Variants in TBCE observed in about 807,000 individuals in gnomAD.
The protein encoded by TBCE is tubulin-specific chaperone E.
In TBCE, 53 loss-of-function variants were observed where a neutral mutation model predicts 77.0. The observed-to-expected ratio is 0.69, with a 90% CI of 0.55 to 0.87. The LOEUF (loss-of-function observed/expected upper bound fraction) is 0.87, where lower values mean the gene tolerates loss of function less well. Ranked by LOEUF, TBCE falls within the 40% of genes least tolerant of loss-of-function variation. The pLI, the probability that TBCE is intolerant of heterozygous loss-of-function variation, is 0.00. For missense variants in TBCE, 624 were observed against 622.4 expected, an observed-to-expected ratio of 1.00 and a Z score of -0.03; for synonymous variants, 235 against 241.3, an observed-to-expected ratio of 0.97 and a Z score of 0.24.
Position 235,383,693 on chromosome 1 carries a change from T to A in TBCE, c.100+3544T>A, listed in dbSNP as rs1572332261. 2.0e-5 allele frequency among the ~76,000 whole-genome samples: 3 copies of A among 152,230 alleles called. No individual in the cohort carries two copies. The East Asian group carries it at 5.8e-4, about 29-fold the overall frequency. ...TAACCTGAGACTTTGCTGAAGTTGC[T>A]TATCAGCTTAAGGAGATTTTGGGCT... On this transcript the variant is annotated intron_variant, in intron 2 of 16. Coordinates refer to ENST00000642610, the MANE Select transcript of TBCE (RefSeq NM_003193.5).
At chr1:235,378,729 C>T (rs930265007) in intron 1 of TBCE, among the ~76,000 whole-genome samples, 3 of 151,982 alleles carry the variant, frequency 2.0e-5, no homozygotes, top group South Asian at 2.1e-4. Context: ...TGCGTGGTGG[C>T]GTGTGCCTGT....
chr1:235,431,993 A>G (rs565358458), intron 7 of TBCE, among the ~76,000 whole-genome samples: 2 of 146,700 alleles, frequency 1.4e-5, no homozygotes, highest in African/African-American at 5.1e-5. Context: ...TTATTTATTT[A>G]TTTTTCTTGA....
At chr1:235,436,361 T>C in intron 9 of TBCE, 25 bp from the exon 10 acceptor site, 3 of 1,606,198 alleles carry the variant, frequency 1.9e-6, no homozygotes, top group African/African-American at 2.7e-5. Flanking sequence ...TTCTGTGTAA[T>C]CAAATTGTAC....
At chr1:235,375,137 G>T (rs1214769995) in intron 1 of TBCE, among the ~76,000 whole-genome samples, 1 of 151,260 alleles carries the variant, frequency 6.6e-6, no homozygotes, top group Non-Finnish European at 1.5e-5. Context: ...AGCCAGGATG[G>T]TCTCAATCTC....
At chr1:235,398,294 C>T (rs745878093) in intron 2 of TBCE, among the ~76,000 whole-genome samples, 2 of 151,638 alleles carry the variant, frequency 1.3e-5, no homozygotes, top group Non-Finnish European at 2.9e-5. Flanking sequence ...TACAGGCACC[C>T]GCCACCACGC....
In TBCE at chr1:235,449,353, CAT is replaced by C. The variant is rs990057038; in HGVS notation, c.*594_*595del. 2.7e-4 allele frequency: 42 copies of C among 154,546 alleles called. No homozygotes were observed. Among genetic ancestry groups the C allele is most frequent in the Admixed American group, 7.0e-4 (11 of 15,722 alleles). 9.6% of individuals were successfully genotyped at this position (154,546 alleles called of 1,614,324 possible). ...TAACCAGCTTTGATTGAAATGTACT[CAT>C]ATTAGGTAAACATTAGGCAATGATA... On this transcript the variant is annotated 3_prime_UTR_variant, in exon 17 of 17. Transcript: ENST00000642610.
At chr1:235,428,469 G>A (rs952998295) in intron 6 of TBCE, among the ~76,000 whole-genome samples, 23 of 151,890 alleles carry the variant, frequency 1.5e-4, no homozygotes, top group African/African-American at 5.3e-4. Context: ...AACTCCTCAT[G>A]TGTCTGTGTC....
Position 235,437,448 on chromosome 1 carries a change from C to T in TBCE, c.1090C>T (p.Gln364Ter), listed in dbSNP as rs1681536460. 1.2e-6 allele frequency: 2 copies of T among 1,613,978 alleles called. No individual in the cohort carries two copies. Among genetic ancestry groups the T allele is most frequent in the Non-Finnish European group, 1.7e-6 (2 of 1,180,014 alleles). ...ACTACTCATTATCGCCAGCATTGGC[C>T]AGCTGAAGACGCTGAACAAATGTGA... Reference protein sequence around the residue: ...ARLLIIASIGQLKTLNKCEIL... With the variant: ...ARLLIIASIG The change falls in exon 12 of 17, where the codon CAG (glutamine) becomes TAG (stop). Residue 364 changes from glutamine (Q) to a stop codon, truncating the protein, a stop_gained. Coordinates refer to ENST00000642610, the MANE Select transcript of TBCE (RefSeq NM_003193.5). LOFTEE classifies it high-confidence loss of function.
chr1:235,379,748 A>C (rs1440363301), intron 1 of TBCE, among the ~76,000 whole-genome samples: 1 of 151,972 alleles, frequency 6.6e-6, no homozygotes, highest in Non-Finnish European at 1.5e-5. Context: ...CAGGAGTTGG[A>C]GACCAGCCTG....
Position 235,435,813 on chromosome 1 carries a change from A to C in TBCE, c.806A>C (p.Gln269Pro). 6.2e-7 allele frequency: 1 copy of C among 1,614,202 alleles called. No individual in the cohort carries two copies. The highest frequency in any genetic ancestry group is 8.5e-7 in the Non-Finnish European group (1 of 1,180,020). Residue 269 changes from glutamine (Q) to proline (P), a missense_variant, in exon 9 of 17, where the codon CAG becomes CCG. Coordinates refer to ENST00000642610, the MANE Select transcript of TBCE (RefSeq NM_003193.5). Reference sequence around the variant, plus strand: ...TCTAATCAATTAATTGATGAAAATCAGCTGTATCTGATAGCCCACCTGCCC... The same window carrying C: ...TCTAATCAATTAATTGATGAAAATCCGCTGTATCTGATAGCCCACCTGCCC... The part of the protein sequence containing the change: ...LSSNQLIDEN[Q>P]LYLIAHLPRL...
At chr1:235,403,494 G>A (rs184003982) in intron 3 of TBCE, among the ~76,000 whole-genome samples, 2 of 152,250 alleles carry the variant, frequency 1.3e-5, no homozygotes, top group East Asian at 3.9e-4. Flanking sequence ...ACAGGTGTGA[G>A]CCACCACCCC....
At chr1:235,415,140 T>TATTG (rs1558373437) in intron 4 of TBCE, 7 of 185,882 alleles carry the variant, frequency 3.8e-5, no homozygotes, top group African/African-American at 1.7e-4. Flanking sequence ...CTAATGCATT[T>TATTG]TATTGTATTG....
intron 5 of TBCE, among the ~76,000 whole-genome samples, chr1:235,425,857 G>C (rs1680680962): frequency 6.6e-6 from 1 of 152,216 alleles, no homozygotes; most frequent in East Asian, 1.9e-4. Context: ...CTGCTCAGAT[G>C]CCCTCTTAGA....
At chr1:235,438,490 G>T (rs1211613244) in intron 12 of TBCE, among the ~76,000 whole-genome samples, 4 of 151,260 alleles carry the variant, frequency 2.6e-5, no homozygotes, top group African/African-American at 9.8e-5. Flanking sequence ...GGAGGTTGCA[G>T]TGAGCTGAGA....
chr1:235,410,854 C>T (rs973509324), intron 3 of TBCE, among the ~76,000 whole-genome samples: 3 of 152,104 alleles, frequency 2.0e-5, no homozygotes, highest in South Asian at 2.1e-4. Context: ...GAGCTCAGTT[C>T]GAAAGCGTTG....
chr1:235,416,238 T>C (rs1486723920), intron 4 of TBCE: 1 of 151,258 alleles, frequency 6.6e-6, no homozygotes, highest in East Asian at 1.9e-4. Flanking sequence ...ACCCTACTGA[T>C]TTACTTGGAT....
Position 235,380,023 on chromosome 1 carries a change from C to T in TBCE, c.-27C>T, listed in dbSNP as rs1434539995. 1.9e-6 allele frequency: 3 copies of T among 1,565,830 alleles called. No homozygotes were observed. The African/African-American group carries it at 4.1e-5, about 21-fold the overall frequency. On this transcript the variant is annotated 5_prime_UTR_variant, in exon 2 of 17. Coordinates refer to ENST00000642610, the MANE Select transcript of TBCE (RefSeq NM_003193.5). ...GTGTTGTATTTTTCTTCCTAGATCTCATATTTTGGATTCTGGATATATTAT... is the reference window on the plus strand; with the variant it reads ...GTGTTGTATTTTTCTTCCTAGATCTTATATTTTGGATTCTGGATATATTAT...
In TBCE at chr1:235,419,518, A is replaced by G. The variant is rs774661855; in HGVS notation, c.417A>G (p.Val139=). Residue 139 remains valine, a synonymous_variant, in exon 5 of 17, where the codon GTA becomes GTG. Transcript: ENST00000642610. ...LQEVSLRNCA[V]SCAGEKGGVA... ...AAGTTTCTCTGAGGAACTGTGCAGTAAGTTGTGCTGGTGAAAAAGGAGGAG... is the reference window on the plus strand; with the variant it reads ...AAGTTTCTCTGAGGAACTGTGCAGTGAGTTGTGCTGGTGAAAAAGGAGGAG... The G allele has an allele frequency of 1.2e-6, 2 of 1,614,044 alleles. No individual in the cohort carries two copies. The highest frequency in any genetic ancestry group is 1.1e-5 in the South Asian group (1 of 91,068).
intron 3 of TBCE, chr1:235,413,945 C>G (rs866447112): frequency 6.1e-6 from 1 of 163,768 alleles, no homozygotes; most frequent in Admixed American, 5.9e-5. Flanking sequence ...ACCTCCACTT[C>G]CCGAGTTCAA....
Sources: gnomAD v4.1 joint callset for allele counts (sites outside exome capture counted in the v4.1 genomes callset) on GRCh38, gnomAD v4.1.1 for gene constraint, MANE v1.5 for transcripts, NCBI Gene and HGNC (gene_info 2026-07-23, HGNC 2026-07-21) for gene names.